Variants in UNC79 observed in about 807,000 individuals in gnomAD.
UNC79 encodes unc-79 subunit of NALCN channel complex.
Under a neutral mutation model 283.1 loss-of-function variants are expected in UNC79, and 37 were observed. The ratio of observed to expected loss-of-function variants is 0.13; its 90% CI spans 0.10 to 0.17. The LOEUF is 0.17. Ranked by LOEUF, UNC79 falls within the 10% of genes least tolerant of loss-of-function variation. The probability of loss-of-function intolerance (pLI) is 1.00; values close to 1 mark genes in which losing one functional copy is unlikely to be tolerated. For missense variants in UNC79, 2,272 were observed against 3,211.1 expected, an observed-to-expected ratio of 0.71 and a Z score of 7.07; for synonymous variants, 1,107 against 1,200.2, an observed-to-expected ratio of 0.92 and a Z score of 1.61.
chr14:93,491,861 T>C (rs2058743587), intron 5 of UNC79, among the ~76,000 whole-genome samples: 1 of 152,212 alleles, frequency 6.6e-6, no homozygotes, highest in African/African-American at 2.4e-5. Context: ...AACCAGCTAC[T>C]GTATACTAGG....
chr14:93,375,839 T>G (rs1261512820), intron 1 of UNC79, among the ~76,000 whole-genome samples: 1 of 152,104 alleles, frequency 6.6e-6, no homozygotes, highest in Non-Finnish European at 1.5e-5. Context: ...CCTTCAACAT[T>G]GGGGATTACA....
intron 47 of UNC79, among the ~76,000 whole-genome samples, chr14:93,704,061 G>A (rs1178697546): frequency 6.6e-6 from 1 of 152,204 alleles, no homozygotes; most frequent in Non-Finnish European, 1.5e-5. Flanking sequence ...GCAGCAGAGG[G>A]CCAGGGTTCT....
chr14:93,517,160 TTTCCTTCC>T (rs989569832), intron 7 of UNC79, among the ~76,000 whole-genome samples: 1 of 151,478 alleles, frequency 6.6e-6, no homozygotes, highest in Non-Finnish European at 1.5e-5. Context: ...GCCTTTCTTT[TTTCCTTCC>T]TTCCTTCCTT....
Position 93,457,248 on chromosome 14 carries a change from C to CT in UNC79, c.23-10418dup, listed in dbSNP as rs571902459. 2.8e-3 allele frequency among the ~76,000 whole-genome samples: 422 copies of CT among 152,308 alleles called. 1 individual carries two copies. Among genetic ancestry groups the CT allele is most frequent in the African/African-American group, 9.2e-3 (383 of 41,562 alleles). On this transcript the variant is annotated intron_variant, in intron 1 of 48. Transcript: ENST00000555664. ...GCTGGATGTGCTAAAATTAAAGAGA[C>CT]TTTTTCTGATCTGAAGGTTCTAGTA...
At chr14:93,696,537 G>C (rs2075143212) in intron 47 of UNC79, among the ~76,000 whole-genome samples, 1 of 152,166 alleles carries the variant, frequency 6.6e-6, no homozygotes, top group South Asian at 2.1e-4. Context: ...GTATCTTGTT[G>C]TGGTTTTAAA....
At chr14:93,371,885 A>G (rs2054459391) in intron 1 of UNC79, among the ~76,000 whole-genome samples, 3 of 152,142 alleles carry the variant, frequency 2.0e-5, no homozygotes, top group Non-Finnish European at 4.4e-5. Flanking sequence ...GAAACCGTGC[A>G]AACAAGATGA....
chr14:93,461,038 G>A (rs2056947490), intron 1 of UNC79, among the ~76,000 whole-genome samples: 1 of 152,088 alleles, frequency 6.6e-6, no homozygotes, highest in Non-Finnish European at 1.5e-5. Context: ...TAGAAAGTGA[G>A]GAAAACAGAT....
exon 30 of UNC79, chr14:93,622,544 G>A (rs373932169): frequency 9.3e-6 from 15 of 1,613,948 alleles, no homozygotes; most frequent in East Asian, 2.2e-5. Context: ...GGGCACTGAG[G>A]GGGAGAAGCC....
Position 93,496,402 on chromosome 14 carries a change from A to G in UNC79, c.713-9A>G, listed in dbSNP as rs200612268. The G allele has an allele frequency of 2.3e-5, 35 of 1,525,480 alleles. No individual in the cohort carries two copies. The East Asian group carries it at 7.3e-4, about 32-fold the overall frequency. 94.5% of individuals were successfully genotyped at this position (1,525,480 alleles called of 1,614,324 possible). On this transcript the variant is annotated splice_polypyrimidine_tract_variant and intron_variant, in intron 5 of 48. Transcript: ENST00000555664. ...ATTTCATGTATGAATTACATTTTCT[A>G]CATTACAGTGTATCATTGTCAATTA... is the stretch of plus-strand genomic sequence containing the variant.
intron 1 of UNC79, among the ~76,000 whole-genome samples, chr14:93,396,812 G>GTGTGTTGTA (rs1566911261): frequency 1.3e-3 from 82 of 63,308 alleles, no homozygotes; most frequent in African/African-American, 4.1e-3. Context: ...TGTGTGTTGT[G>GTGTGTTGTA]GCATGCTTTC....
At chr14:93,564,419 G>T (rs1023344168) in intron 14 of UNC79, among the ~76,000 whole-genome samples, 6 of 152,192 alleles carry the variant, frequency 3.9e-5, no homozygotes, top group African/African-American at 1.2e-4. Context: ...GAGAGCACGT[G>T]TGTTACCTAT....
intron 14 of UNC79, among the ~76,000 whole-genome samples, chr14:93,558,498 T>G (rs1282647408): frequency 1.3e-5 from 2 of 149,216 alleles, no homozygotes. Flanking sequence ...GGAGCTTGCA[T>G]TGAGCCGAGA....
At chr14:93,452,851 A>G (rs1157465293) in intron 1 of UNC79, among the ~76,000 whole-genome samples, 4 of 152,188 alleles carry the variant, frequency 2.6e-5, no homozygotes, top group Non-Finnish European at 4.4e-5. Context: ...CACTATAACA[A>G]TGCTATTATA....
Position 93,582,355 on chromosome 14 carries a change from A to G in UNC79, c.2803+11A>G, listed in dbSNP as rs1252807717. On this transcript the variant is annotated intron_variant, in intron 20 of 48. Coordinates refer to ENST00000555664, the Ensembl canonical transcript of UNC79. ...CCGTGGAACATGCTGGTAGGTGTGC[A>G]CTGACTGCCGGGGAATGCGCCACGT... The G allele has an allele frequency of 6.2e-7, 1 of 1,612,638 alleles. No homozygotes were observed. Among genetic ancestry groups the G allele is most frequent in the Admixed American group, 1.7e-5 (1 of 59,646 alleles).
intron 5 of UNC79, among the ~76,000 whole-genome samples, chr14:93,492,279 G>GATT (rs1311448473): frequency 6.6e-5 from 10 of 151,914 alleles, no homozygotes; most frequent in African/African-American, 1.2e-4. Context: ...TCAGAAGGAG[G>GATT]GAGCTGTATG....
At chr14:93,707,099 G>C, downstream of UNC79, 1 of 532,494 alleles carries the variant, frequency 1.9e-6, no homozygotes, top group Non-Finnish European at 3.2e-6. Context: ...TGACTCCTTG[G>C]GCTATCTGAT....
rs865943139 is a variant in UNC79 at position 93,639,654 on chromosome 14, T to C, written c.5801-1491T>C. On this transcript the variant is annotated intron_variant, in intron 32 of 48. Transcript: ENST00000555664. ...GAAGTGACATAAAGATATTTTCAGA[T>C]ACTTTCCTTTGCAGTTTGGATTTGC... Among the ~76,000 whole-genome samples the C allele has an allele frequency of 3.3e-5, 5 of 152,384 alleles. No individual in the cohort carries two copies. The South Asian group carries it at 1.0e-3, about 32-fold the overall frequency.
chr14:93,701,177 A>G (rs897032321), intron 47 of UNC79, among the ~76,000 whole-genome samples: 1 of 152,222 alleles, frequency 6.6e-6, no homozygotes, highest in African/African-American at 2.4e-5. Context: ...GTGAGCTGGA[A>G]TACCTGCAGG....
At chr14:93,525,194 C>T (rs368139595) in intron 8 of UNC79, among the ~76,000 whole-genome samples, 2 of 152,134 alleles carry the variant, frequency 1.3e-5, no homozygotes, top group African/African-American at 4.8e-5. Flanking sequence ...CCTGTAATCC[C>T]AGCACTTTCA....
Sources: gnomAD v4.1 joint callset for allele counts (sites outside exome capture counted in the v4.1 genomes callset) on GRCh38, gnomAD v4.1.1 for gene constraint, MANE v1.5 for transcripts, NCBI Gene and HGNC (gene_info 2026-07-23, HGNC 2026-07-21) for gene names.